Variants in TRPC4AP observed in about 807,000 individuals in gnomAD.
TRPC4AP encodes transient receptor potential cation channel subfamily C member 4 associated protein, also known as short transient receptor potential channel 4-associated protein.
A neutral mutation model predicts 99.0 loss-of-function variants in TRPC4AP; 45 were observed. The observed-to-expected ratio is 0.45, with a 90% confidence interval of 0.36 to 0.58. The LOEUF (loss-of-function observed/expected upper bound fraction) is 0.58, where lower values mean the gene tolerates loss of function less well. Among genes scored for constraint, TRPC4AP ranks in the 20% least tolerant of loss-of-function variants. TRPC4AP has a pLI of 0.00. For synonymous variants in TRPC4AP, 408 were observed against 385.8 expected, an observed-to-expected ratio of 1.06 and a Z score of -0.67; for missense variants, 879 against 985.3, an observed-to-expected ratio of 0.89 and a Z score of 1.44.
intron 1 of TRPC4AP, among the ~76,000 whole-genome samples, chr20:35,084,351 G>A: frequency 6.6e-6 from 1 of 151,490 alleles, no homozygotes; most frequent in Non-Finnish European, 1.5e-5. Context: ...ATACACCAAT[G>A]TAGCAAAATT....
chr20:35,009,294 A>G (rs1383009872), intron 12 of TRPC4AP, among the ~76,000 whole-genome samples: 1 of 152,148 alleles, frequency 6.6e-6, no homozygotes, highest in Admixed American at 6.5e-5. Flanking sequence ...GCTGTGATCC[A>G]CTGCAGACAT....
intron 1 of TRPC4AP, among the ~76,000 whole-genome samples, chr20:35,086,553 GTGTGTGTGTGTGTGTGTGTGTGTA>G (rs2084883424): frequency 1.3e-5 from 1 of 78,704 alleles, no homozygotes; most frequent in African/African-American, 4.1e-5. Context: ...GTGTGTGTGT[GTGTGTGTGTGTGTGTGTGTGTGTA>G]TATATATATG....
rs1040873761 is a variant in TRPC4AP at position 35,005,752 on chromosome 20, G to A, written c.1879C>T (p.Leu627=). The A allele has an allele frequency of 6.8e-6, 11 of 1,614,220 alleles. 1 individual carries two copies. In the East Asian group the frequency reaches 8.9e-5, roughly 13 times the overall value. ...AGGGACAGAGTGACACAGCGCACCA[G>A]CATGTTGGAGTCCACCAGGGAGCTG... ...INSSLVDSNM[L]VRCVTLSLDR... is the part of the protein sequence containing the mutation. Residue 627 remains leucine, a synonymous_variant, in exon 16 of 19, where the codon CTG becomes TTG. Coordinates refer to ENST00000252015, the MANE Select transcript of TRPC4AP (RefSeq NM_015638.3).
rs995444659 is a variant in TRPC4AP at position 35,002,426 on chromosome 20, T to A, written c.*720A>T. 2 of 414,608 alleles carry A rather than the reference T, an allele frequency of 4.8e-6. No homozygotes were observed. Among genetic ancestry groups the A allele is most frequent in the Non-Finnish European group, 8.4e-6 (2 of 237,210 alleles). The allele number at this position is 414,608 out of a possible 1,614,324, so 25.7% of individuals were successfully genotyped here. On this transcript the variant is annotated 3_prime_UTR_variant, in exon 19 of 19. Transcript: ENST00000252015. ...CAGTCATTTTTAAAATAAAGTTATT[T>A]AATAGTCTCCATTTAATTGGTTTAT...
chr20:35,046,860 G>A (rs1402742942), intron 6 of TRPC4AP, among the ~76,000 whole-genome samples: 2 of 151,908 alleles, frequency 1.3e-5, no homozygotes, highest in Non-Finnish European at 2.9e-5. Flanking sequence ...TTTTTGTTTT[G>A]TCTTAAATTT....
intron 8 of TRPC4AP, among the ~76,000 whole-genome samples, chr20:35,022,444 C>T (rs536576632): frequency 2.0e-5 from 3 of 152,316 alleles, no homozygotes; most frequent in South Asian, 4.1e-4. Context: ...GCGTGAGCCA[C>T]GGTGCCCAGC....
chr20:35,037,776 T>C (rs2083354693), intron 7 of TRPC4AP, among the ~76,000 whole-genome samples: 1 of 152,188 alleles, frequency 6.6e-6, no homozygotes, highest in Non-Finnish European at 1.5e-5. Flanking sequence ...GTATTTTTAC[T>C]ATACCTTTTT....
chr20:35,060,584 CCAAAAA>C (rs2083975561), intron 3 of TRPC4AP, among the ~76,000 whole-genome samples: 1 of 45,868 alleles, frequency 2.2e-5, no homozygotes, highest in Non-Finnish European at 4.3e-5. Flanking sequence ...GACCTTGTCT[CCAAAAA>C]AAAAAAAAAA....
intron 7 of TRPC4AP, among the ~76,000 whole-genome samples, chr20:35,036,201 AC>A (rs2083313157): frequency 1.3e-5 from 2 of 152,192 alleles, no homozygotes; most frequent in African/African-American, 2.4e-5. Flanking sequence ...CCATCATTTA[AC>A]CTTCTTTAAA....
intron 8 of TRPC4AP, among the ~76,000 whole-genome samples, chr20:35,032,467 C>CTTTTTT (rs35808832): frequency 9.5e-5 from 9 of 95,224 alleles, no homozygotes; most frequent in Non-Finnish European, 1.4e-4. Flanking sequence ...GTTCTTTGAT[C>CTTTTTT]TTTTTTTTTT....
intron 3 of TRPC4AP, among the ~76,000 whole-genome samples, chr20:35,059,686 GGAAGAAGAAGA>G (rs2083930472): frequency 4.2e-5 from 6 of 144,336 alleles, no homozygotes; most frequent in African/African-American, 2.5e-5. Flanking sequence ...AGAAGAAGAA[GGAAGAAGAAGA>G]AAGAAGAAGA....
intron 12 of TRPC4AP, among the ~76,000 whole-genome samples, chr20:35,009,913 G>A (rs749890041): frequency 1.3e-5 from 2 of 152,254 alleles, no homozygotes; most frequent in African/African-American, 2.4e-5. Flanking sequence ...GCAGTGCGGA[G>A]CACACATGAC....
At chr20:35,076,482 A>C (rs1007915189) in intron 2 of TRPC4AP, among the ~76,000 whole-genome samples, 2 of 152,226 alleles carry the variant, frequency 1.3e-5, no homozygotes, top group Admixed American at 6.5e-5. Flanking sequence ...TCCTTCTAAC[A>C]GTCAGGACCC....
At chr20:35,084,726 A>G (rs896925817) in intron 1 of TRPC4AP, among the ~76,000 whole-genome samples, 2 of 114,752 alleles carry the variant, frequency 1.7e-5, no homozygotes, top group African/African-American at 6.4e-5. Context: ...ATATGCATAT[A>G]TGTGTATATG....
chr20:35,013,029 T>G lies in TRPC4AP; in HGVS notation c.1388A>C (p.Gln463Pro). 6.2e-7 allele frequency: 1 copy of G among 1,614,142 alleles called. No individual in the cohort carries two copies. The highest frequency in any genetic ancestry group is 8.5e-7 in the Non-Finnish European group (1 of 1,180,040). ...TTACTCGTGGTGGTCACTGAAGCTC[T>G]GAAGAAGCCTCAAAAACTGTATCTT... ...TLKIQFLRLL[Q>P]SFSDHHENKY... The change falls in exon 11 of 19, where the codon CAG becomes CCG. Residue 463 changes from glutamine (Q) to proline (P), a missense_variant. Coordinates refer to ENST00000252015, the MANE Select transcript of TRPC4AP (RefSeq NM_015638.3).
intron 7 of TRPC4AP, among the ~76,000 whole-genome samples, chr20:35,042,021 T>A (rs984555547): frequency 6.6e-5 from 10 of 152,258 alleles, no homozygotes; most frequent in Non-Finnish European, 1.2e-4. Flanking sequence ...TCACTTTTTT[T>A]AAAATTATAC....
intron 1 of TRPC4AP, among the ~76,000 whole-genome samples, chr20:35,079,411 T>A (rs1402383072): frequency 6.6e-6 from 1 of 152,138 alleles, no homozygotes; most frequent in Non-Finnish European, 1.5e-5. Context: ...GAAGTGTATA[T>A]CACTGAATGC....
chr20:35,018,719 C>T (rs1185659960), intron 9 of TRPC4AP, among the ~76,000 whole-genome samples: 1 of 151,960 alleles, frequency 6.6e-6, no homozygotes, highest in Non-Finnish European at 1.5e-5. Context: ...GGTCCAGCCC[C>T]GTAGCCTGCT....
intron 1 of TRPC4AP, 63 bp downstream of exon 1, chr20:35,092,551 C>T (rs1162973466): frequency 3.5e-6 from 5 of 1,415,114 alleles, no homozygotes; most frequent in Admixed American, 3.2e-5. Flanking sequence ...GGCCTCTTCC[C>T]CGGCCCCCCG....
Sources: allele counts gnomAD v4.1 joint callset (sites outside exome capture counted in the v4.1 genomes callset), GRCh38; gene constraint gnomAD v4.1.1; transcripts MANE v1.5; gene names NCBI Gene and HGNC (gene_info 2026-07-23, HGNC 2026-07-21).